The following GRHL1 variants were observed in gnomAD, a reference collection of about 807,000 sequenced individuals.
The protein encoded by GRHL1 is grainyhead like transcription factor 1, also known as grainyhead-like protein 1 homolog.
Under a neutral mutation model 75.7 loss-of-function variants are expected in GRHL1, and 38 were observed. The observed-to-expected ratio is 0.50, with a 90% confidence interval of 0.39 to 0.66. GRHL1 has a LOEUF of 0.66. Among genes scored for constraint, GRHL1 ranks in the 30% least tolerant of loss-of-function variants. GRHL1 has a pLI of 0.00. For missense variants in GRHL1, 589 were observed against 767.5 expected (o/e 0.77, Z 2.75); for synonymous variants, 266 against 279.4 (o/e 0.95, Z 0.48).
rs2125216840 is a variant in GRHL1, at chr2:9,968,135, A to G, written c.1110+2754A>G. Among the ~76,000 whole-genome samples, 2 of 152,336 alleles carry G rather than the reference A, an allele frequency of 1.3e-5. No homozygotes were observed. The highest frequency in any genetic ancestry group is 1.3e-4 in the Admixed American group (2 of 15,298). On this transcript the variant is annotated intron_variant, in intron 8 of 15. Transcript: ENST00000324907. This position sits in a 1 kb window ranked among gnomAD's most constrained non-coding sequence, Gnocchi z 4.7. ...TCCGTTTGGAAATGATGATAGTTTG[A>G]GGATGTTTTGGGTTGAATTGTGAAT... is the stretch of plus-strand genomic sequence containing the variant.
chr2:9,982,617 C>T (rs879921581), intron 8 of GRHL1, among the ~76,000 whole-genome samples: 8 of 152,210 alleles, frequency 5.3e-5, no homozygotes, highest in Non-Finnish European at 1.2e-4. Flanking sequence ...TTCACTCTCC[C>T]TGAGTTTTCG....
intron 15 of GRHL1, among the ~76,000 whole-genome samples, chr2:9,999,947 T>C (rs1404745594): frequency 6.6e-6 from 1 of 152,234 alleles, no homozygotes; most frequent in African/African-American, 2.4e-5. Flanking sequence ...GTCAGGGGGC[T>C]GTGACTTCAC....
chr2:9,970,464 G>A (rs1558299439), intron 8 of GRHL1, among the ~76,000 whole-genome samples: 1 of 152,098 alleles, frequency 6.6e-6, no homozygotes, highest in African/African-American at 2.4e-5. Context: ...GCTTTGGAAA[G>A]TCTTTATCAA....
At chr2:9,979,152 A>T (rs1325322168) in intron 8 of GRHL1, among the ~76,000 whole-genome samples, 14 of 76,878 alleles carry the variant, frequency 1.8e-4, no homozygotes, top group African/African-American at 8.3e-4. Flanking sequence ...ACTCTCTCTC[A>T]AAAAAAAAAA....
intron 2 of GRHL1, among the ~76,000 whole-genome samples, chr2:9,956,695 T>C (rs1258783772): frequency 1.3e-5 from 2 of 152,218 alleles, no homozygotes; most frequent in Non-Finnish European, 2.9e-5. Flanking sequence ...CATGAAGAGT[T>C]CCTTTGAAGT....
At chr2:9,978,318 G>C (rs1453840992) in intron 8 of GRHL1, among the ~76,000 whole-genome samples, 1 of 152,258 alleles carries the variant, frequency 6.6e-6, no homozygotes, top group Non-Finnish European at 1.5e-5. Context: ...CCTTTGGGCA[G>C]ATGAGGGGAT....
chr2:9,986,004 G>T, intron 8 of GRHL1, 120 bp from the exon 9 acceptor site: 1 of 671,920 alleles, frequency 1.5e-6, no homozygotes, highest in Non-Finnish European at 2.4e-6. Flanking sequence ...TAAAAAATGA[G>T]AAGCTGAGCT....
In GRHL1 at chr2:9,998,705, T is replaced by C. The variant is rs1244184560; in HGVS notation, c.1678-260T>C. Among the ~76,000 whole-genome samples, 75 of 63,926 alleles carry C rather than the reference T, an allele frequency of 1.2e-3. 19 individuals are homozygous for C. The highest frequency in any genetic ancestry group is 1.5e-3 in the Non-Finnish European group (60 of 38,974). 41.9% of individuals were successfully genotyped at this position (63,926 alleles called of 152,430 possible). On this transcript the variant is annotated intron_variant, in intron 14 of 15. Transcript: ENST00000324907. ...ACATATATATGTACACACATATATA[T>C]ACATATATATGTACACACATATATA...
intron 7 of GRHL1, 87 bp from the exon 8 acceptor site, chr2:9,965,200 A>C: frequency 1.4e-6 from 1 of 718,202 alleles, no homozygotes; most frequent in South Asian, 1.6e-5. Context: ...ATAATGCTAA[A>C]AACTAGATCT....
In GRHL1 at chr2:9,990,824, T is replaced by C. The variant is rs1668605869; in HGVS notation, c.1321+77T>C. 8.5e-7 allele frequency: 1 copy of C among 1,180,544 alleles called. No individual in the cohort carries two copies. The highest frequency in any genetic ancestry group is 1.3e-5 in the South Asian group (1 of 76,384). 73.1% of individuals were successfully genotyped at this position (1,180,544 alleles called of 1,614,324 possible). A position where few individuals can be genotyped will look rare whatever the true frequency, so the allele number is the denominator to read the frequency against. The stretch of plus-strand genomic sequence containing the variant: ...CCCGGCAAGCTTCAGACCTTTTCCA[T>C]TGAGAATGGTGGCTGGAGTTTGCAC... On this transcript the variant is annotated intron_variant, in intron 10 of 15. Coordinates refer to ENST00000324907, the MANE Select transcript of GRHL1 (RefSeq NM_198182.3). This position sits in a 1 kb window ranked among gnomAD's most constrained non-coding sequence, Gnocchi z 4.2.
rs373392159 is a variant in GRHL1 at position 9,998,424 on chromosome 2, A to ATG, written c.1678-517_1678-516dup. On this transcript the variant is annotated intron_variant, in intron 14 of 15. Transcript: ENST00000324907. ...AAAACAAAAAGTCGAGTGACTATGC[A>ATG]TGTGTGTGTGTGTGTGTGTGTGTGT... is the stretch of plus-strand genomic sequence containing the variant. 5.7e-3 allele frequency among the ~76,000 whole-genome samples: 197 copies of ATG among 34,448 alleles called. 14 individuals are homozygous for ATG. The highest frequency in any genetic ancestry group is 0.032 in the East Asian group (47 of 1,472). The allele number at this position is 34,448 out of a possible 152,430, so 22.6% of individuals were successfully genotyped here.
At chr2:9,980,811 T>C (rs531290304) in intron 8 of GRHL1, among the ~76,000 whole-genome samples, 1 of 152,350 alleles carries the variant, frequency 6.6e-6, no homozygotes, top group Non-Finnish European at 1.5e-5. Flanking sequence ...GCTTTTTAAG[T>C]GTGCGTGCAT....
intron 7 of GRHL1, chr2:9,965,047 T>C (rs61221335): frequency 0.15 from 59,994 of 409,170 alleles, 6,198 homozygotes; most frequent in African/African-American, 0.37. Context: ...CTTTTTAGAC[T>C]TAAATTTCCT....
intron 1 of GRHL1, among the ~76,000 whole-genome samples, chr2:9,953,699 C>T (rs1666897854): frequency 6.6e-6 from 1 of 151,590 alleles, no homozygotes; most frequent in Non-Finnish European, 1.5e-5. Context: ...TCTTAAAGGC[C>T]CTGGGTGACT....
chr2:9,952,713 C>T (rs879875245), intron 1 of GRHL1, among the ~76,000 whole-genome samples: 2 of 152,182 alleles, frequency 1.3e-5, no homozygotes, highest in Admixed American at 1.3e-4. Flanking sequence ...ATTTTAAAAA[C>T]TTACTAAAGA....
chr2:9,959,745 A>G (rs938489886), intron 3 of GRHL1: 1 of 152,218 alleles, frequency 6.6e-6, no homozygotes, highest in East Asian at 1.9e-4. Flanking sequence ...CTCTTCTTCA[A>G]CTTTGAGATT....
chr2:9,977,344 G>A (rs563256995), intron 8 of GRHL1, among the ~76,000 whole-genome samples: 15 of 151,498 alleles, frequency 9.9e-5, no homozygotes, highest in African/African-American at 2.7e-4. Flanking sequence ...TTTTTCAGAC[G>A]AAGTCTTGCT....
rs1669086278 is a variant in GRHL1, at chr2:9,998,749, T to TATATACGTATATATGTACACAC, written c.1678-202_1678-201insGTACACACATATACGTATATAT. ...ATATATACGTATATATGTACACACA[T>TATATACGTATATATGTACACAC]ATATACGTATATATATGTACACACA... is the stretch of plus-strand genomic sequence containing the variant. On this transcript the variant is annotated intron_variant, in intron 14 of 15. Coordinates refer to ENST00000324907, the MANE Select transcript of GRHL1 (RefSeq NM_198182.3). Among the ~76,000 whole-genome samples, 20 of 30,350 alleles carry TATATACGTATATATGTACACAC rather than the reference T, an allele frequency of 6.6e-4. 6 individuals carry two copies. The highest frequency in any genetic ancestry group is 1.4e-3 in the South Asian group (1 of 708). The allele number at this position is 30,350 out of a possible 152,430, so 19.9% of individuals were successfully genotyped here.
chr2:9,958,710 A>T (rs1403112790), intron 2 of GRHL1, 76 bp from the exon 3 acceptor site: 2 of 1,112,816 alleles, frequency 1.8e-6, no homozygotes, highest in East Asian at 4.8e-5. Context: ...TTACTGAAAA[A>T]TAAAAGGCTG....
Sources: gnomAD v4.1 joint callset for allele counts (sites outside exome capture counted in the v4.1 genomes callset) on GRCh38, gnomAD v4.1.1 for gene constraint, Gnocchi (gnomAD v3.1) non-coding constraint, MANE v1.5 for transcripts, NCBI Gene and HGNC (gene_info 2026-07-23, HGNC 2026-07-21) for gene names.